Variants in PTPRO observed in about 807,000 individuals in gnomAD.
PTPRO encodes protein tyrosine phosphatase receptor type O.
In PTPRO, 62 loss-of-function variants were observed where a neutral mutation model predicts 145.2. The observed-to-expected ratio is 0.43, with a 90% CI of 0.35 to 0.53. The LOEUF is 0.53. PTPRO is among the 20% of genes least tolerant of loss of function. The pLI, the probability that PTPRO is intolerant of heterozygous loss-of-function variation, is 0.01. For missense variants in PTPRO, 1,345 were observed against 1,482.7 expected, an observed-to-expected ratio of 0.91 and a Z score of 1.53; for synonymous variants, 565 against 514.7, an observed-to-expected ratio of 1.10 and a Z score of -1.32.
intron 15 of PTPRO, among the ~76,000 whole-genome samples, chr12:15,555,103 T>C (rs1017753854): frequency 6.6e-6 from 1 of 151,994 alleles, no homozygotes; most frequent in Non-Finnish European, 1.5e-5. Context: ...CCAGGCGTGG[T>C]GGCGGGTGCC....
chr12:15,520,701 T>C (rs898706082), intron 10 of PTPRO, among the ~76,000 whole-genome samples: 2 of 152,060 alleles, frequency 1.3e-5, no homozygotes, highest in African/African-American at 4.8e-5. Flanking sequence ...AATTAAGCCA[T>C]TTTTAAAGTC....
At chr12:15,439,046 A>G (rs950171053) in intron 1 of PTPRO, among the ~76,000 whole-genome samples, 1 of 152,156 alleles carries the variant, frequency 6.6e-6, no homozygotes, top group Admixed American at 6.5e-5. Context: ...GATCATGTAC[A>G]AAGAGAACCC....
At chr12:15,375,804 A>G (rs1438930042) in intron 1 of PTPRO, among the ~76,000 whole-genome samples, 1 of 152,018 alleles carries the variant, frequency 6.6e-6, no homozygotes, top group East Asian at 1.9e-4. Context: ...TTTTAAAAAC[A>G]CAAACAGATA....
intron 1 of PTPRO, among the ~76,000 whole-genome samples, chr12:15,352,344 G>A (rs757452152): frequency 2.0e-5 from 3 of 152,138 alleles, no homozygotes; most frequent in Non-Finnish European, 2.9e-5. Context: ...TAAAGGAAGA[G>A]ACTTAAAGAA....
intron 15 of PTPRO, among the ~76,000 whole-genome samples, chr12:15,554,169 C>A (rs1943552027): frequency 6.6e-6 from 1 of 152,036 alleles, no homozygotes; most frequent in Admixed American, 6.6e-5. Flanking sequence ...GAGTGAAACT[C>A]CATCTCAAAA....
At chr12:15,361,673 A>G (rs1938215896) in intron 1 of PTPRO, among the ~76,000 whole-genome samples, 2 of 152,126 alleles carry the variant, frequency 1.3e-5, no homozygotes. Context: ...GAGCAGAATG[A>G]CTAAATGAAT....
chr12:15,486,705 T>G (rs951727466), intron 2 of PTPRO, among the ~76,000 whole-genome samples: 3 of 152,140 alleles, frequency 2.0e-5, no homozygotes, highest in African/African-American at 7.2e-5. Flanking sequence ...TTTTTTACTT[T>G]CATACATAAA....
chr12:15,440,333 G>T, intron 1 of PTPRO: 1 of 465,820 alleles, frequency 2.1e-6, no homozygotes, highest in East Asian at 4.7e-5. Flanking sequence ...GGAATTCACT[G>T]AGCACTTCTT....
At chr12:15,371,187 C>A (rs1052097508) in intron 1 of PTPRO, among the ~76,000 whole-genome samples, 1 of 151,398 alleles carries the variant, frequency 6.6e-6, no homozygotes, top group Non-Finnish European at 1.5e-5. Flanking sequence ...ACTTTATAAC[C>A]AGCAAATATT....
At position 15,586,882 on chromosome 12, in the gene PTPRO, C is replaced by CT. The variant is rs1944440513; in HGVS notation, c.3256-9dup. The CT allele has an allele frequency of 6.2e-7, 1 of 1,613,724 alleles. No homozygotes were observed. Among genetic ancestry groups the CT allele is most frequent in the Admixed American group, 1.7e-5 (1 of 59,974 alleles). The stretch of plus-strand genomic sequence containing the variant: ...CTGAAAAATTAATGCTTGTTTTTGG[C>CT]TTTTTTCTCTAAAGGCTGACGAGAT... On this transcript the variant is annotated splice_polypyrimidine_tract_variant and intron_variant, in intron 23 of 26. Transcript: ENST00000281171.
At chr12:15,390,624 C>T (rs746607625) in intron 1 of PTPRO, among the ~76,000 whole-genome samples, 45 of 152,110 alleles carry the variant, frequency 3.0e-4, no homozygotes, top group South Asian at 6.2e-4. Context: ...TATCCCACAC[C>T]ATGGTACCAG....
intron 1 of PTPRO, among the ~76,000 whole-genome samples, chr12:15,474,635 G>T (rs192997855): frequency 6.6e-6 from 1 of 152,188 alleles, no homozygotes. Context: ...TATTTTTCCT[G>T]CAGAGTCAAG....
At chr12:15,557,032 G>GTTTTTTT (rs552264784) in intron 15 of PTPRO, among the ~76,000 whole-genome samples, 103 of 139,800 alleles carry the variant, frequency 7.4e-4, no homozygotes, top group Non-Finnish European at 1.1e-3. Context: ...CTTTTATTTT[G>GTTTTTTT]TTTTTTTTTT....
At chr12:15,509,664 G>A (rs1453620690) in intron 7 of PTPRO, among the ~76,000 whole-genome samples, 2 of 136,148 alleles carry the variant, frequency 1.5e-5, no homozygotes, top group Non-Finnish European at 3.1e-5. Context: ...TCCAGCCTGG[G>A]CAACAGAGTG....
intron 1 of PTPRO, among the ~76,000 whole-genome samples, chr12:15,330,749 C>T (rs1304218211): frequency 6.6e-6 from 1 of 152,152 alleles, no homozygotes; most frequent in Non-Finnish European, 1.5e-5. Context: ...GTCTTTATCC[C>T]TTGAGAGCAA....
chr12:15,357,803 T>A (rs1270092943), intron 1 of PTPRO, among the ~76,000 whole-genome samples: 1 of 149,176 alleles, frequency 6.7e-6, no homozygotes, highest in Non-Finnish European at 1.5e-5. Flanking sequence ...GTAAACTAGT[T>A]CAACCATTGT....
At chr12:15,446,349 T>C (rs976791036) in intron 1 of PTPRO, among the ~76,000 whole-genome samples, 14 of 152,074 alleles carry the variant, frequency 9.2e-5, no homozygotes, top group Non-Finnish European at 1.5e-4. Flanking sequence ...TTTCAAAACC[T>C]CCTAATTCCC....
chr12:15,444,807 T>G (rs768953271), intron 1 of PTPRO, among the ~76,000 whole-genome samples: 2 of 152,136 alleles, frequency 1.3e-5, no homozygotes, highest in Non-Finnish European at 2.9e-5. Context: ...CTGTGAAAGA[T>G]AAATTTCTGT....
At chr12:15,507,599 C>A (rs910018511) in intron 6 of PTPRO, among the ~76,000 whole-genome samples, 1 of 152,196 alleles carries the variant, frequency 6.6e-6, no homozygotes, top group Admixed American at 6.5e-5. Context: ...AAGAGAACTA[C>A]GGTAGCATCC....
Sources: gnomAD v4.1 joint callset for allele counts (sites outside exome capture counted in the v4.1 genomes callset) on GRCh38, gnomAD v4.1.1 for gene constraint, MANE v1.5 for transcripts, NCBI Gene and HGNC (gene_info 2026-07-23, HGNC 2026-07-21) for gene names.